The following FAM167A variants were observed in gnomAD, a reference collection of about 807,000 sequenced individuals.
FAM167A encodes protein FAM167A.
In FAM167A, 23 loss-of-function variants were observed where a neutral mutation model predicts 14.9. The observed-to-expected ratio is 1.55, with a 90% CI of 1.11 to 2.19. The LOEUF is 2.19. FAM167A is among the 30% of genes most tolerant of loss of function. The pLI is 0.00. For synonymous variants in FAM167A, 174 were observed against 117.7 expected (o/e 1.48, Z -3.10); for missense variants, 401 against 281.5 (o/e 1.42, Z -3.04).
chr8:11,445,588 C>T (rs1027977439), intron 1 of FAM167A: 9 of 985,434 alleles, frequency 9.1e-6, no homozygotes, highest in East Asian at 2.3e-4. Flanking sequence ...GTAAAGACTT[C>T]AGCTATGGGA....
At chr8:11,451,359 C>T (rs892177075) in intron 1 of FAM167A, among the ~76,000 whole-genome samples, 2 of 151,962 alleles carry the variant, frequency 1.3e-5, no homozygotes, top group South Asian at 2.1e-4. Flanking sequence ...GGTTACACAG[C>T]GTATACCTTC....
rs760183930 is a variant in FAM167A at position 11,424,626 on chromosome 8, C to A, written c.392G>T (p.Arg131Leu). 3.1e-6 allele frequency: 5 copies of A among 1,613,528 alleles called. No homozygotes were observed. Among genetic ancestry groups the A allele is most frequent in the Admixed American group, 3.3e-5 (2 of 59,984 alleles). Residue 131 changes from arginine (R) to leucine (L), a missense_variant, in exon 3 of 3, where the codon CGG becomes CTG. Arg to Leu is a moderately radical substitution (Grantham distance 102). Transcript: ENST00000284486. ...AWLRKELTEM[R>L]LQDQQLARQL... ...TCTGGCCAGTTGCTGGTCCTGCAGCCGCATCTCCGTCTGGAAGGGAGGGGG... is the reference window on the plus strand; with the variant it reads ...TCTGGCCAGTTGCTGGTCCTGCAGCAGCATCTCCGTCTGGAAGGGAGGGGG...
At chr8:11,427,604 T>C (rs543503811) in intron 2 of FAM167A, among the ~76,000 whole-genome samples, 19 of 152,242 alleles carry the variant, frequency 1.2e-4, no homozygotes, top group African/African-American at 4.1e-4. Flanking sequence ...ATAGAGCACA[T>C]TGCAGGGTAG....
At chr8:11,431,761 A>G (rs1805607323) in intron 2 of FAM167A, among the ~76,000 whole-genome samples, 1 of 151,878 alleles carries the variant, frequency 6.6e-6, no homozygotes. Context: ...GGGTGGTCTC[A>G]GTGATGTTGT....
At chr8:11,467,942 G>A (rs1182916877), upstream of FAM167A, among the ~76,000 whole-genome samples, 3 of 152,234 alleles carry the variant, frequency 2.0e-5, no homozygotes, top group African/African-American at 7.2e-5. Flanking sequence ...ATCTTTTGGA[G>A]AGTCACAGCC....
chr8:11,466,465 G>A (rs1313034068), intron 1 of FAM167A, among the ~76,000 whole-genome samples, 161 bp downstream of exon 1: 2 of 146,822 alleles, frequency 1.4e-5, no homozygotes, highest in East Asian at 3.9e-4. Context: ...CGGGGGGGCG[G>A]TAGGAGCGCG....
At chr8:11,465,518 A>G (rs1807728789) in intron 1 of FAM167A, among the ~76,000 whole-genome samples, 1 of 152,252 alleles carries the variant, frequency 6.6e-6, no homozygotes, top group Admixed American at 6.5e-5. Context: ...TCAAGAAAGA[A>G]GAGCTGTCAT....
intron 2 of FAM167A, among the ~76,000 whole-genome samples, chr8:11,426,651 G>T (rs1462807628): frequency 3.3e-5 from 5 of 152,182 alleles, no homozygotes; most frequent in Non-Finnish European, 7.3e-5. Context: ...TAAAGGGGAA[G>T]GAGTGGATAC....
At chr8:11,442,546 A>G (rs1280391757) in intron 2 of FAM167A, among the ~76,000 whole-genome samples, 1 of 152,206 alleles carries the variant, frequency 6.6e-6, no homozygotes, top group Non-Finnish European at 1.5e-5. Context: ...CTCGAAACCA[A>G]CAAATAGTAT....
Position 11,421,564 on chromosome 8 carries a change from A to G in FAM167A, c.*2809T>C, listed in dbSNP as rs1184236013. 2 of 397,384 alleles carry G rather than the reference A, an allele frequency of 5.0e-6. No homozygotes were observed. Among genetic ancestry groups the G allele is most frequent in the South Asian group, 1.4e-4 (1 of 7,012 alleles). 24.6% of individuals were successfully genotyped at this position (397,384 alleles called of 1,614,324 possible). A position where few individuals can be genotyped will look rare whatever the true frequency, so the allele number is the denominator to read the frequency against. The stretch of plus-strand genomic sequence containing the variant: ...TAGAAACAAATAATCATAAAAAATA[A>G]AAGTATAAATCGTCCATTGATTATG... On this transcript the variant is annotated 3_prime_UTR_variant, in exon 3 of 3. Coordinates refer to ENST00000284486, the MANE Select transcript of FAM167A (RefSeq NM_053279.3).
chr8:11,441,567 G>A (rs60838274), intron 2 of FAM167A, among the ~76,000 whole-genome samples: 5,979 of 152,232 alleles, frequency 0.039, 215 homozygotes, highest in African/African-American at 0.087. Context: ...AGCATGCCCA[G>A]TGGAACCCTC....
intron 1 of FAM167A, among the ~76,000 whole-genome samples, chr8:11,474,217 G>A (rs1215223317): frequency 6.6e-6 from 1 of 152,184 alleles, no homozygotes; most frequent in Admixed American, 6.5e-5. Flanking sequence ...CTCTTGGTTT[G>A]CGCACCACCT....
At chr8:11,434,705 G>C (rs1427254556) in intron 2 of FAM167A, 1 of 239,626 alleles carries the variant, frequency 4.2e-6, no homozygotes, top group Non-Finnish European at 8.3e-6. Flanking sequence ...AGAGCCCCTA[G>C]ATCTGCCACT....
rs1337802569 is a variant in FAM167A, at chr8:11,424,617, T to A, written c.401A>T (p.Asp134Val). ...CATGAGCTGTCTGGCCAGTTGCTGG[T>A]CCTGCAGCCGCATCTCCGTCTGGAA... is the stretch of plus-strand genomic sequence containing the variant. ...RKELTEMRLQ[D>V]QQLARQLMRL... The change falls in exon 3 of 3, where the codon GAC becomes GTC. Residue 134 changes from aspartate (D) to valine (V), a missense_variant. Asp to Val is a radical substitution (Grantham distance 152). Transcript: ENST00000284486. The A allele has an allele frequency of 1.9e-6, 3 of 1,613,792 alleles. No individual in the cohort carries two copies. Among genetic ancestry groups the A allele is most frequent in the Non-Finnish European group, 2.5e-6 (3 of 1,179,966 alleles).
chr8:11,440,833 G>A (rs1806391881), intron 2 of FAM167A, among the ~76,000 whole-genome samples: 2 of 152,226 alleles, frequency 1.3e-5, no homozygotes, highest in African/African-American at 2.4e-5. Flanking sequence ...AAAAGGTTAT[G>A]CAAATCACTT....
rs145614471 is a variant in FAM167A at position 11,441,354 on chromosome 8, C to A, written c.381+2677G>T. 1.2e-3 allele frequency among the ~76,000 whole-genome samples: 185 copies of A among 152,326 alleles called. 1 individual carries two copies. Among genetic ancestry groups the A allele is most frequent in the Non-Finnish European group, 2.2e-3 (148 of 68,036 alleles). On this transcript the variant is annotated intron_variant, in intron 2 of 2. Coordinates refer to ENST00000284486, the MANE Select transcript of FAM167A (RefSeq NM_053279.3). ...ACCCTAAGTGTGGCCCAGGGACTAA[C>A]AGAATAGTGTCACCTTAGAGCTTGT...
chr8:11,448,561 G>A (rs902142795), intron 1 of FAM167A, among the ~76,000 whole-genome samples: 1 of 152,188 alleles, frequency 6.6e-6, no homozygotes, highest in African/African-American at 2.4e-5. Context: ...GACAATCCCT[G>A]CCCCCTCACA....
At position 11,421,621 on chromosome 8, in the gene FAM167A, G is replaced by C. The variant is rs1005858376; in HGVS notation, c.*2752C>G. On this transcript the variant is annotated 3_prime_UTR_variant, in exon 3 of 3. Transcript: ENST00000284486. ...CACTTGGTATTGCTACAGGGTGTGG[G>C]TCTTGAACTCGGTCAGGCATCGTCA... is the stretch of plus-strand genomic sequence containing the variant. The C allele has an allele frequency of 1.5e-5, 6 of 398,356 alleles. No homozygotes were observed. The highest frequency in any genetic ancestry group is 6.3e-4 in the Middle Eastern group (1 of 1,586). 24.7% of individuals were successfully genotyped at this position (398,356 alleles called of 1,614,324 possible).
intron 1 of FAM167A, among the ~76,000 whole-genome samples, chr8:11,449,304 T>C (rs1244474175): frequency 6.6e-6 from 1 of 152,210 alleles, no homozygotes; most frequent in Non-Finnish European, 1.5e-5. Context: ...GCAGAAAAGC[T>C]TGTCACTGCT....
Sources: gnomAD v4.1 joint callset for allele counts (sites outside exome capture counted in the v4.1 genomes callset) on GRCh38, gnomAD v4.1.1 for gene constraint, MANE v1.5 for transcripts, NCBI Gene and HGNC (gene_info 2026-07-23, HGNC 2026-07-21) for gene names.